EEFSEC: variants seen among roughly 807,000 people sequenced by gnomAD.
EEFSEC encodes selenocysteine-specific elongation factor.
EEFSEC carries 43 observed loss-of-function variants against 42.1 expected under a neutral mutation model. That is an observed-to-expected ratio of 1.02 (90% CI 0.80 to 1.32). EEFSEC has a LOEUF of 1.32. Among genes scored for constraint, EEFSEC ranks in the 40% most tolerant of loss-of-function variants. EEFSEC has a pLI of 0.00. For synonymous variants in EEFSEC, 354 were observed against 339.1 expected (o/e 1.04, Z -0.48); for missense variants, 745 against 803.6 (o/e 0.93, Z 0.88).
rs1030847864 is a variant in EEFSEC at position 128,184,984 on chromosome 3, A to G, written c.316+31161A>G. Among the ~76,000 whole-genome samples the G allele has an allele frequency of 3.9e-5, 6 of 152,296 alleles. No individual in the cohort carries two copies. The South Asian group carries it at 1.0e-3, about 26-fold the overall frequency. ...CAGGAGTTTGAGGCTACAGTGTGCTATGATTGTGTCACTGCACTCCAGCTT... is the reference window on the plus strand; with the variant it reads ...CAGGAGTTTGAGGCTACAGTGTGCTGTGATTGTGTCACTGCACTCCAGCTT... On this transcript the variant is annotated intron_variant, in intron 1 of 6. Transcript: ENST00000254730.
intron 2 of EEFSEC, among the ~76,000 whole-genome samples, chr3:128,250,911 G>GATTT (rs1553747268): frequency 3.7e-5 from 4 of 108,596 alleles, no homozygotes; most frequent in Non-Finnish European, 7.2e-5. Context: ...GTTTTTTTTG[G>GATTT]TTTTTTTTTT....
At chr3:128,321,911 C>A (rs898611578) in intron 4 of EEFSEC, among the ~76,000 whole-genome samples, 2 of 152,136 alleles carry the variant, frequency 1.3e-5, no homozygotes, top group African/African-American at 4.8e-5. Context: ...GGGAGCCTCC[C>A]GAGGCAGTGA....
chr3:128,380,601 C>T (rs1394814414), intron 6 of EEFSEC, among the ~76,000 whole-genome samples: 2 of 152,190 alleles, frequency 1.3e-5, no homozygotes, highest in African/African-American at 4.8e-5. Flanking sequence ...ACGTGCTTTA[C>T]GTTTTACATA....
intron 2 of EEFSEC, among the ~76,000 whole-genome samples, chr3:128,248,376 G>A (rs961165322): frequency 2.0e-5 from 3 of 152,108 alleles, no homozygotes; most frequent in Non-Finnish European, 4.4e-5. Context: ...TCCAACACCT[G>A]CAGCTCTCCC....
chr3:128,403,003 G>A (rs576992142), intron 6 of EEFSEC, among the ~76,000 whole-genome samples: 1 of 152,172 alleles, frequency 6.6e-6, no homozygotes, highest in Non-Finnish European at 1.5e-5. Flanking sequence ...GACATTAGAA[G>A]GTGATAAGAG....
At chr3:128,273,856 G>A (rs982858963) in intron 4 of EEFSEC, among the ~76,000 whole-genome samples, 12 of 152,204 alleles carry the variant, frequency 7.9e-5, no homozygotes, top group Admixed American at 6.5e-4. Context: ...CACTGCTGAG[G>A]TGGGCCCCCT....
chr3:128,169,661 AACTCTGT>A (rs2065275843), intron 1 of EEFSEC, among the ~76,000 whole-genome samples: 1 of 152,220 alleles, frequency 6.6e-6, no homozygotes, highest in Non-Finnish European at 1.5e-5. Context: ...CATTTTTCAC[AACTCTGT>A]GATTGTGTTT....
At chr3:128,203,634 C>A (rs1254686464) in intron 1 of EEFSEC, among the ~76,000 whole-genome samples, 1 of 152,244 alleles carries the variant, frequency 6.6e-6, no homozygotes, top group East Asian at 1.9e-4. Context: ...GCCAGGTCTG[C>A]TAGCCCTCAA....
At chr3:128,390,493 A>C (rs575552400) in intron 6 of EEFSEC, among the ~76,000 whole-genome samples, 1 of 152,356 alleles carries the variant, frequency 6.6e-6, no homozygotes, top group African/African-American at 2.4e-5. Flanking sequence ...ACCTTCGCCA[A>C]ATGAAAAAAC....
intron 1 of EEFSEC, among the ~76,000 whole-genome samples, chr3:128,245,089 G>A (rs1006217181): frequency 2.6e-5 from 4 of 152,224 alleles, no homozygotes; most frequent in African/African-American, 7.2e-5. Context: ...CCCGACCCCC[G>A]CTCCTGCCCA....
At chr3:128,408,015 C>T in intron 6 of EEFSEC, 54 bp from the exon 7 acceptor site, 1 of 1,476,792 alleles carries the variant, frequency 6.8e-7, no homozygotes, top group Non-Finnish European at 9.0e-7. Context: ...GGGCAGGGAG[C>T]CCACGGGTGC....
rs559746630 is a variant in EEFSEC, at chr3:128,199,583, T to C, written c.316+45760T>C. 3.3e-5 allele frequency among the ~76,000 whole-genome samples: 5 copies of C among 152,338 alleles called. No individual in the cohort carries two copies. The South Asian group carries it at 1.0e-3, about 32-fold the overall frequency. ...GGATGTTTTTGGTGTCTCCAGTCTT[T>C]TGCTAGGTGAACGTAATCTCTTTGC... is the stretch of plus-strand genomic sequence containing the variant. On this transcript the variant is annotated intron_variant, in intron 1 of 6. Coordinates refer to ENST00000254730, the MANE Select transcript of EEFSEC (RefSeq NM_021937.5).
intron 5 of EEFSEC, among the ~76,000 whole-genome samples, chr3:128,349,728 GA>G (rs1488348925): frequency 1.3e-5 from 2 of 152,202 alleles, no homozygotes; most frequent in Non-Finnish European, 2.9e-5. Context: ...CTCTTACTCA[GA>G]AATCTCTTTT....
rs550325995 is a variant in EEFSEC at position 128,317,182 on chromosome 3, C to T, written c.787-24051C>T. Among the ~76,000 whole-genome samples the T allele has an allele frequency of 1.3e-5, 2 of 152,292 alleles. No homozygotes were observed. Among genetic ancestry groups the T allele is most frequent in the African/African-American group, 4.8e-5 (2 of 41,550 alleles). ...GGCCTCAATAGGGCAGCAAGGGCCC[C>T]GCAGAAGCAGTGCGTGCTGCTGGCT... is the stretch of plus-strand genomic sequence containing the variant. On this transcript the variant is annotated intron_variant, in intron 4 of 6. Coordinates refer to ENST00000254730, the MANE Select transcript of EEFSEC (RefSeq NM_021937.5). The surrounding 1 kb of genome is among the most constrained non-coding windows in gnomAD (Gnocchi z 4.1).
At chr3:128,205,061 T>C (rs574924986) in intron 1 of EEFSEC, among the ~76,000 whole-genome samples, 34 of 152,324 alleles carry the variant, frequency 2.2e-4, no homozygotes, top group African/African-American at 6.7e-4. Context: ...TGACTTGATA[T>C]AAGGTTGGTG....
intron 4 of EEFSEC, among the ~76,000 whole-genome samples, chr3:128,315,580 C>G (rs1179782294): frequency 1.3e-5 from 2 of 152,088 alleles, no homozygotes; most frequent in African/African-American, 4.8e-5. Context: ...CTGGGGAGGC[C>G]CAGGAGGGAG....
chr3:128,355,609 T>TAA (rs5852542), intron 5 of EEFSEC, among the ~76,000 whole-genome samples: 49 of 122,688 alleles, frequency 4.0e-4, no homozygotes, highest in African/African-American at 9.4e-4. Context: ...AATGAAGCTG[T>TAA]AAAAAAAAAA....
chr3:128,261,006 AT>A (rs1290150825), intron 2 of EEFSEC, among the ~76,000 whole-genome samples: 1 of 151,548 alleles, frequency 6.6e-6, no homozygotes, highest in Non-Finnish European at 1.5e-5. Context: ...TGACATGTTT[AT>A]CACAGTGTAA....
rs1052626350 is a variant in EEFSEC at position 128,375,088 on chromosome 3, A to G, written c.1600+16715A>G. ...CTCTAAACTGCAGTTTCCTTGTCCT[A>G]TATAAAAAAAGGAGTGGTCCCTGCC... is the stretch of plus-strand genomic sequence containing the variant. On this transcript the variant is annotated intron_variant, in intron 6 of 6. Transcript: ENST00000254730. Among the ~76,000 whole-genome samples the G allele has an allele frequency of 4.6e-5, 7 of 152,188 alleles. No homozygotes were observed. In the South Asian group the frequency reaches 8.3e-4, roughly 18 times the overall value.
Sources: gnomAD v4.1 joint callset for allele counts (sites outside exome capture counted in the v4.1 genomes callset) on GRCh38, gnomAD v4.1.1 for gene constraint, Gnocchi (gnomAD v3.1) non-coding constraint, MANE v1.5 for transcripts, NCBI Gene and HGNC (gene_info 2026-07-23, HGNC 2026-07-21) for gene names.